The following GPC5 variants were observed in gnomAD, a reference collection of about 807,000 sequenced individuals.
GPC5 encodes the protein glypican 5.
GPC5 carries 47 observed loss-of-function variants against 53.9 expected under a neutral mutation model. The observed-to-expected ratio is 0.87, with a 90% confidence interval of 0.69 to 1.11. The LOEUF (loss-of-function observed/expected upper bound fraction) is 1.11. GPC5 is among the 50% of genes most tolerant of loss of function. The pLI, the probability that GPC5 is intolerant of heterozygous loss-of-function variation, is 0.00. For synonymous variants in GPC5, 286 were observed against 263.3 expected, an observed-to-expected ratio of 1.09 and a Z score of -0.84; for missense variants, 748 against 713.1, an observed-to-expected ratio of 1.05 and a Z score of -0.56.
chr13:92,787,056 C>A (rs974172911), intron 7 of GPC5, among the ~76,000 whole-genome samples: 5 of 152,112 alleles, frequency 3.3e-5, no homozygotes, highest in African/African-American at 9.7e-5. Flanking sequence ...CAGCTTCATG[C>A]AAGTAGAAGG....
At chr13:92,762,773 C>A (rs1875238273) in intron 7 of GPC5, among the ~76,000 whole-genome samples, 1 of 151,866 alleles carries the variant, frequency 6.6e-6, no homozygotes, top group African/African-American at 2.4e-5. Context: ...TCATTGTTTT[C>A]TTTTTTTCTC....
At chr13:91,863,674 G>T (rs548430043) in intron 5 of GPC5, among the ~76,000 whole-genome samples, 2 of 152,046 alleles carry the variant, frequency 1.3e-5, no homozygotes, top group Non-Finnish European at 2.9e-5. Context: ...ATCCAGAGGC[G>T]GTGTTTCTCA....
intron 2 of GPC5, among the ~76,000 whole-genome samples, chr13:91,663,964 A>G (rs1272710564): frequency 1.3e-5 from 2 of 152,180 alleles, no homozygotes. Flanking sequence ...GGTGCATGCC[A>G]CCATGCTTAG....
intron 7 of GPC5, among the ~76,000 whole-genome samples, chr13:92,468,831 C>T (rs530283413): frequency 6.6e-6 from 1 of 152,118 alleles, no homozygotes; most frequent in South Asian, 2.1e-4. Context: ...CAAGTGTCAT[C>T]CTGTACCCAT....
At chr13:92,849,031 C>T (rs887831718) in intron 7 of GPC5, among the ~76,000 whole-genome samples, 12 of 152,158 alleles carry the variant, frequency 7.9e-5, no homozygotes, top group African/African-American at 2.9e-4. Flanking sequence ...TCCTCACACA[C>T]GCATCTGTTA....
At chr13:91,756,468 T>A (rs781056098) in intron 5 of GPC5, 48 bp downstream of exon 5, 1 of 1,481,124 alleles carries the variant, frequency 6.8e-7, no homozygotes, top group Non-Finnish European at 9.1e-7. Context: ...CATCCTTGCT[T>A]TCTTTTTCTG....
chr13:91,594,202 GT>G (rs1405549243), intron 2 of GPC5, among the ~76,000 whole-genome samples: 1 of 152,126 alleles, frequency 6.6e-6, no homozygotes, highest in East Asian at 1.9e-4. Flanking sequence ...AAAAAGTACA[GT>G]TTTTTTAAAG....
At chr13:91,852,495 T>C (rs949933613) in intron 5 of GPC5, among the ~76,000 whole-genome samples, 23 of 152,030 alleles carry the variant, frequency 1.5e-4, no homozygotes, top group Non-Finnish European at 2.8e-4. Flanking sequence ...GTTTTTTTTT[T>C]CTCTTCTTAT....
chr13:92,369,089 C>T lies in GPC5; in HGVS notation c.1561+224100C>T, dbSNP rs537541488. On this transcript the variant is annotated intron_variant, in intron 7 of 7. Transcript: ENST00000377067. ...AAATAAGATGCAATCTCTATTCTCA[C>T]AAAGATTTCAATTAGTAAAAAAGAT... 5.9e-5 allele frequency among the ~76,000 whole-genome samples: 9 copies of T among 152,322 alleles called. 1 individual carries two copies. The South Asian group carries it at 1.9e-3, about 32-fold the overall frequency.
At chr13:91,749,790 G>A (rs951501465) in intron 4 of GPC5, among the ~76,000 whole-genome samples, 1 of 152,150 alleles carries the variant, frequency 6.6e-6, no homozygotes, top group African/African-American at 2.4e-5. Context: ...ATATAAATGG[G>A]TTAGTATTTT....
chr13:92,107,887 A>G (rs977833666), intron 6 of GPC5, among the ~76,000 whole-genome samples: 6 of 152,174 alleles, frequency 3.9e-5, no homozygotes, highest in Admixed American at 1.3e-4. Context: ...GACTCACCAC[A>G]AAATGCCTGA....
chr13:92,782,083 A>G (rs1392807188), intron 7 of GPC5, among the ~76,000 whole-genome samples: 6 of 140,714 alleles, frequency 4.3e-5, no homozygotes, highest in African/African-American at 1.3e-4. Context: ...CGGGAAGGGG[A>G]GGGAGAAAGG....
rs544677745 is a variant in GPC5, at chr13:91,540,588, T to C, written c.325+91666T>C. Among the ~76,000 whole-genome samples the C allele has an allele frequency of 5.3e-5, 8 of 152,296 alleles. No homozygotes were observed. The South Asian group carries it at 1.2e-3, about 24-fold the overall frequency. ...CATTAAAAGCCTTTGGATTGCACAATTGAAATGGGTGAATTGTATGGCATG... is the reference window on the plus strand; with the variant it reads ...CATTAAAAGCCTTTGGATTGCACAACTGAAATGGGTGAATTGTATGGCATG... On this transcript the variant is annotated intron_variant, in intron 2 of 7. Coordinates refer to ENST00000377067, the MANE Select transcript of GPC5 (RefSeq NM_004466.6).
At chr13:92,861,276 T>C (rs1566449353) in intron 7 of GPC5, among the ~76,000 whole-genome samples, 1 of 152,164 alleles carries the variant, frequency 6.6e-6, no homozygotes, top group Non-Finnish European at 1.5e-5. Flanking sequence ...ATACTCTTCA[T>C]TATTCACACA....
intron 6 of GPC5, among the ~76,000 whole-genome samples, chr13:91,986,969 G>A (rs1267431018): frequency 6.6e-6 from 1 of 151,620 alleles, no homozygotes; most frequent in Non-Finnish European, 1.5e-5. Context: ...TTTTGAGCCA[G>A]GGGCAATATA....
intron 2 of GPC5, among the ~76,000 whole-genome samples, chr13:91,553,461 C>A (rs1192029954): frequency 6.6e-6 from 1 of 151,990 alleles, no homozygotes; most frequent in Non-Finnish European, 1.5e-5. Flanking sequence ...GAACCTAGTG[C>A]AGTGTGCATT....
intron 2 of GPC5, among the ~76,000 whole-genome samples, chr13:91,484,999 C>A (rs1305953622): frequency 6.6e-6 from 1 of 152,208 alleles, no homozygotes; most frequent in African/African-American, 2.4e-5. Context: ...TGTGTATGAT[C>A]TGAGAGCTTG....
chr13:91,996,553 A>C (rs983649412), intron 6 of GPC5: 1 of 152,240 alleles, frequency 6.6e-6, no homozygotes, highest in African/African-American at 2.4e-5. Context: ...ACATAGCAAA[A>C]AGTACAATAA....
intron 7 of GPC5, among the ~76,000 whole-genome samples, chr13:92,318,501 T>C (rs1208605745): frequency 6.6e-6 from 1 of 152,200 alleles, no homozygotes; most frequent in Non-Finnish European, 1.5e-5. Context: ...TGTGTATGTA[T>C]TGCCTTTGCT....
Sources: gnomAD v4.1 joint callset for allele counts (sites outside exome capture counted in the v4.1 genomes callset) on GRCh38, gnomAD v4.1.1 for gene constraint, MANE v1.5 for transcripts, NCBI Gene and HGNC (gene_info 2026-07-23, HGNC 2026-07-21) for gene names.